The following ITFG1 variants were observed in gnomAD, a reference collection of about 807,000 sequenced individuals.
ITFG1 encodes integrin alpha FG-GAP repeat containing 1.
ITFG1 carries 34 observed loss-of-function variants against 81.8 expected under a neutral mutation model. That is an observed-to-expected ratio of 0.42 (90% CI 0.32 to 0.55). The LOEUF is 0.55. Among genes scored for constraint, ITFG1 ranks in the 20% least tolerant of loss-of-function variants. The pLI is 0.17. For missense variants in ITFG1, 672 were observed against 755.4 expected, an observed-to-expected ratio of 0.89 and a Z score of 1.29; for synonymous variants, 285 against 270.6, an observed-to-expected ratio of 1.05 and a Z score of -0.52.
intron 14 of ITFG1, among the ~76,000 whole-genome samples, chr16:47,181,265 G>A (rs564526460): frequency 6.8e-6 from 1 of 147,258 alleles, no homozygotes; most frequent in African/African-American, 2.5e-5. Flanking sequence ...CCGCCCGGCA[G>A]CCACCCCGTC....
intron 6 of ITFG1, among the ~76,000 whole-genome samples, chr16:47,420,253 C>T (rs1395176954): frequency 6.6e-6 from 1 of 151,932 alleles, no homozygotes; most frequent in East Asian, 1.9e-4. Flanking sequence ...TTTATGTGGC[C>T]TAACATCTGG....
intron 6 of ITFG1, among the ~76,000 whole-genome samples, chr16:47,386,606 C>G (rs1337465812): frequency 6.6e-6 from 1 of 152,210 alleles, no homozygotes; most frequent in African/African-American, 2.4e-5. Context: ...GACTCACACA[C>G]CACCCCTTTT....
intron 5 of ITFG1, among the ~76,000 whole-genome samples, chr16:47,439,126 G>C (rs898811928): frequency 6.6e-6 from 1 of 152,096 alleles, no homozygotes. Context: ...GTGAATAGAA[G>C]TTTAGAGAAA....
At chr16:47,401,990 C>T (rs1968667079) in intron 6 of ITFG1, among the ~76,000 whole-genome samples, 3 of 152,132 alleles carry the variant, frequency 2.0e-5, no homozygotes, top group African/African-American at 7.2e-5. Flanking sequence ...TCAGAATACT[C>T]TTCATGATGA....
intron 10 of ITFG1, among the ~76,000 whole-genome samples, chr16:47,278,041 A>G (rs2151548947): frequency 6.6e-6 from 1 of 152,320 alleles, no homozygotes; most frequent in South Asian, 2.1e-4. Flanking sequence ...TAAACCAATT[A>G]TTTATTCACA....
intron 7 of ITFG1, among the ~76,000 whole-genome samples, chr16:47,371,932 G>A (rs899718483): frequency 7.0e-6 from 1 of 143,852 alleles, no homozygotes; most frequent in Non-Finnish European, 1.5e-5. Context: ...TTTTTTTCCT[G>A]AGACAGAGTC....
At position 47,318,666 on chromosome 16, in the gene ITFG1, G is replaced by C. The variant is rs374971711; in HGVS notation, c.803-4843C>G. On this transcript the variant is annotated intron_variant, in intron 8 of 17. Coordinates refer to ENST00000320640, the MANE Select transcript of ITFG1 (RefSeq NM_030790.5). ...GCTTATTTACTGTATTAAAAATTAA[G>C]ACAGAAATAGTTCAATATTTTTATT... is the stretch of plus-strand genomic sequence containing the variant. Among the ~76,000 whole-genome samples the C allele has an allele frequency of 3.9e-5, 6 of 151,966 alleles. No individual in the cohort carries two copies. The East Asian group carries it at 5.8e-4, about 15-fold the overall frequency.
intron 14 of ITFG1, among the ~76,000 whole-genome samples, chr16:47,181,278 G>A (rs1965110082): frequency 6.7e-6 from 1 of 149,780 alleles, no homozygotes; most frequent in Non-Finnish European, 1.5e-5. Flanking sequence ...ACCCCGTCTG[G>A]GAAGTGAGGA....
intron 5 of ITFG1, among the ~76,000 whole-genome samples, chr16:47,442,881 A>C (rs1969272037): frequency 6.6e-6 from 1 of 152,234 alleles, no homozygotes; most frequent in South Asian, 2.1e-4. Context: ...CAATGGCAAC[A>C]AAAGCCAAAA....
rs141834732 is a variant in ITFG1, at chr16:47,408,274, A to T, written c.655+20530T>A. Among the ~76,000 whole-genome samples, 96 of 152,318 alleles carry T rather than the reference A, an allele frequency of 6.3e-4. No individual in the cohort carries two copies. In the East Asian group the frequency reaches 0.012, roughly 19 times the overall value. ...TGAATGAAAAGTATGTGTGATATTAAAGAAATTTTCAGGTTATGTTTCCCT... is the reference window on the plus strand; with the variant it reads ...TGAATGAAAAGTATGTGTGATATTATAGAAATTTTCAGGTTATGTTTCCCT... On this transcript the variant is annotated intron_variant, in intron 6 of 17. Coordinates refer to ENST00000320640, the MANE Select transcript of ITFG1 (RefSeq NM_030790.5).
Position 47,258,710 on chromosome 16 carries a change from C to T in ITFG1, c.1252G>A (p.Gly418Arg). Reference protein sequence around the residue: ...GILDIVVLSKGYTKNDFAIHT... With the variant: ...GILDIVVLSKRYTKNDFAIHT... ...ATGGCAAAATCATTCTTTGTATATC[C>T]TTTACTTAGCACTACAATGTCCAAG... The change falls in exon 12 of 18, where the codon GGA becomes AGA. Residue 418 changes from glycine (G) to arginine (R), a missense_variant. Around this residue, in one of 3 missense-constraint regions of ITFG1, gnomAD observed 560 missense variants for 625.7 expected, o/e 0.90. Transcript: ENST00000320640. The T allele has an allele frequency of 6.5e-7, 1 of 1,548,476 alleles. No individual in the cohort carries two copies. Among genetic ancestry groups the T allele is most frequent in the African/African-American group, 1.4e-5 (1 of 72,180 alleles).
At chr16:47,175,691 G>C (rs1340188657) in intron 14 of ITFG1, among the ~76,000 whole-genome samples, 5 of 152,110 alleles carry the variant, frequency 3.3e-5, no homozygotes, top group Non-Finnish European at 5.9e-5. Flanking sequence ...ACATGTTCTG[G>C]GAATCGGGAA....
At chr16:47,237,669 C>T (rs180989818) in intron 13 of ITFG1, among the ~76,000 whole-genome samples, 1 of 152,178 alleles carries the variant, frequency 6.6e-6, no homozygotes, top group Non-Finnish European at 1.5e-5. Flanking sequence ...GGAGAGGCAT[C>T]TAATCTAAAC....
chr16:47,275,233 C>T (rs1417602135), intron 10 of ITFG1, among the ~76,000 whole-genome samples: 1 of 152,006 alleles, frequency 6.6e-6, no homozygotes, highest in Admixed American at 6.6e-5. Context: ...CTGAAAGGAC[C>T]TGGAATAATA....
rs563550389 is a variant in ITFG1 at position 47,456,904 on chromosome 16, G to A, written c.281+2199C>T. ...GGATAGGAATGTAGAGGATCCAATGGGAAAAACAAAAATGCAGGATAGGTA... is the reference window on the plus strand; with the variant it reads ...GGATAGGAATGTAGAGGATCCAATGAGAAAAACAAAAATGCAGGATAGGTA... On this transcript the variant is annotated intron_variant, in intron 2 of 17. Transcript: ENST00000320640. 3.3e-5 allele frequency among the ~76,000 whole-genome samples: 5 copies of A among 152,076 alleles called. No individual in the cohort carries two copies. In the East Asian group the frequency reaches 5.8e-4, roughly 18 times the overall value.
At chr16:47,270,541 T>C (rs1264671475) in intron 10 of ITFG1, among the ~76,000 whole-genome samples, 1 of 152,186 alleles carries the variant, frequency 6.6e-6, no homozygotes. Context: ...TCAAAAGACA[T>C]AGCTACCCCA....
rs143031590 is a variant in ITFG1 at position 47,311,428 on chromosome 16, A to G, written c.898-16T>C. 1.4e-4 allele frequency: 219 copies of G among 1,574,688 alleles called. 1 individual carries two copies. The African/African-American group carries it at 2.8e-3, about 20-fold the overall frequency. The stretch of plus-strand genomic sequence containing the variant: ...CTGGAACCCACTATGGATTAAGAGA[A>G]AAAGATCAGACTTTATAGTTATTTT... On this transcript the variant is annotated splice_polypyrimidine_tract_variant and intron_variant, in intron 9 of 17. Coordinates refer to ENST00000320640, the MANE Select transcript of ITFG1 (RefSeq NM_030790.5).
intron 8 of ITFG1, among the ~76,000 whole-genome samples, chr16:47,327,543 A>G (rs2151571883): frequency 6.6e-6 from 1 of 152,302 alleles, no homozygotes; most frequent in African/African-American, 2.4e-5. Flanking sequence ...CAGGCAACCT[A>G]CAAAATGGGA....
intron 8 of ITFG1, among the ~76,000 whole-genome samples, chr16:47,319,531 C>G (rs1434904496): frequency 6.6e-6 from 1 of 152,130 alleles, no homozygotes; most frequent in African/African-American, 2.4e-5. Context: ...ATACTTGGTA[C>G]GCAGATGTGT....
Sources: gnomAD v4.1 joint callset for allele counts (sites outside exome capture counted in the v4.1 genomes callset) on GRCh38, gnomAD v4.1.1 for gene constraint, gnomAD v4.1.1 regional missense constraint, MANE v1.5 for transcripts, NCBI Gene and HGNC (gene_info 2026-07-23, HGNC 2026-07-21) for gene names.